Variants in IGF2BP3 observed in about 807,000 individuals in gnomAD.
IGF2BP3 encodes insulin like growth factor 2 mRNA binding protein 3, also known as insulin-like growth factor 2 mRNA-binding protein 3.
IGF2BP3 carries 9 observed loss-of-function variants against 73.8 expected under a neutral mutation model. That is an observed-to-expected ratio of 0.12 (90% confidence interval 0.07 to 0.21). The LOEUF (loss-of-function observed/expected upper bound fraction) is 0.21. IGF2BP3 is among the 10% of genes least tolerant of loss of function. The pLI, the probability that IGF2BP3 is intolerant of heterozygous loss-of-function variation, is 1.00. For synonymous variants in IGF2BP3, 258 were observed against 256.7 expected (o/e 1.01, Z -0.05); for missense variants, 542 against 714.0 (o/e 0.76, Z 2.75).
chr7:23,435,324 C>A (rs1787783471), intron 2 of IGF2BP3, among the ~76,000 whole-genome samples: 1 of 140,768 alleles, frequency 7.1e-6, no homozygotes, highest in Non-Finnish European at 1.5e-5. Flanking sequence ...AAAAAAAATC[C>A]TGAAAATGAT....
chr7:23,376,226 T>G (rs1033182864), intron 3 of IGF2BP3, among the ~76,000 whole-genome samples: 6 of 152,150 alleles, frequency 3.9e-5, no homozygotes, highest in African/African-American at 1.4e-4. Flanking sequence ...GGAGGAGTGT[T>G]ACTTGAGATA....
At chr7:23,359,849 C>G (rs1562698385) in intron 5 of IGF2BP3, among the ~76,000 whole-genome samples, 1 of 151,728 alleles carries the variant, frequency 6.6e-6, no homozygotes, top group Non-Finnish European at 1.5e-5. Flanking sequence ...CATGATACAA[C>G]TAAAGAACAA....
At chr7:23,363,106 G>A (rs997376993) in intron 3 of IGF2BP3, among the ~76,000 whole-genome samples, 8 of 152,166 alleles carry the variant, frequency 5.3e-5, no homozygotes, top group Admixed American at 2.6e-4. Context: ...TCAGGTGCCA[G>A]GAAATAGAAA....
At chr7:23,384,095 C>CAAAAAAAAAAA (rs35378177) in intron 3 of IGF2BP3, among the ~76,000 whole-genome samples, 1 of 62,526 alleles carries the variant, frequency 1.6e-5, no homozygotes, top group African/African-American at 4.8e-5. Context: ...GACTCCATCT[C>CAAAAAAAAAAA]AAAAAAAAAA....
At chr7:23,384,947 A>G (rs1340602094) in intron 3 of IGF2BP3, among the ~76,000 whole-genome samples, 1 of 152,124 alleles carries the variant, frequency 6.6e-6, no homozygotes, top group African/African-American at 2.4e-5. Context: ...TATTAAATGA[A>G]TTTTCAACTT....
intron 9 of IGF2BP3, among the ~76,000 whole-genome samples, chr7:23,343,339 A>T (rs1784756409): frequency 6.6e-6 from 1 of 152,234 alleles, no homozygotes; most frequent in African/African-American, 2.4e-5. Context: ...CATATAAGAG[A>T]AGAGAGCTGC....
chr7:23,413,692 T>C (rs528925772), intron 3 of IGF2BP3: 179 of 152,348 alleles, frequency 1.2e-3, no homozygotes, highest in African/African-American at 4.1e-3. Context: ...CATCTGAACA[T>C]CCACATCGTT....
intron 3 of IGF2BP3, among the ~76,000 whole-genome samples, chr7:23,366,751 T>G (rs1329299532): frequency 2.0e-5 from 3 of 152,028 alleles, no homozygotes; most frequent in African/African-American, 7.2e-5. Flanking sequence ...TTGGAAGTAA[T>G]GACAACAGAA....
intron 7 of IGF2BP3, 29 bp downstream of exon 7, chr7:23,347,569 CCT>C (rs1491290125): frequency 3.1e-6 from 5 of 1,599,880 alleles, no homozygotes; most frequent in Middle Eastern, 2.0e-4. Context: ...CAAATATCAA[CCT>C]CTTTCACAGG....
At chr7:23,436,701 A>G (rs1402520977) in intron 2 of IGF2BP3, among the ~76,000 whole-genome samples, 3 of 152,242 alleles carry the variant, frequency 2.0e-5, no homozygotes, top group East Asian at 1.9e-4. Flanking sequence ...AGTATTTCCT[A>G]TACCACAAAA....
At chr7:23,467,495 G>C (rs547175958) in intron 2 of IGF2BP3, among the ~76,000 whole-genome samples, 1 of 152,192 alleles carries the variant, frequency 6.6e-6, no homozygotes, top group Non-Finnish European at 1.5e-5. Flanking sequence ...AATCCAGAAA[G>C]GCTTAGAGGC....
intron 5 of IGF2BP3, among the ~76,000 whole-genome samples, chr7:23,359,434 T>A (rs1007330299): frequency 6.6e-6 from 1 of 152,232 alleles, no homozygotes; most frequent in Non-Finnish European, 1.5e-5. Flanking sequence ...ATTTAAGTTT[T>A]CAAATAAGGC....
chr7:23,399,392 TAATAAA>T (rs1786587900), intron 3 of IGF2BP3, among the ~76,000 whole-genome samples: 1 of 141,566 alleles, frequency 7.1e-6, no homozygotes, highest in African/African-American at 2.6e-5. Flanking sequence ...AGTATAATAA[TAATAAA>T]ATTAAATTAA....
At chr7:23,442,408 GT>G (rs56817921) in intron 2 of IGF2BP3, among the ~76,000 whole-genome samples, 10 of 151,498 alleles carry the variant, frequency 6.6e-5, no homozygotes, top group African/African-American at 1.5e-4. Context: ...TTTTTGTTTT[GT>G]TTTTTTTAGA....
At chr7:23,330,418 G>A (rs1784415368) in intron 10 of IGF2BP3, among the ~76,000 whole-genome samples, 2 of 151,680 alleles carry the variant, frequency 1.3e-5, no homozygotes, top group South Asian at 4.2e-4. Flanking sequence ...CACTAGAACT[G>A]TCACTCGAGG....
At chr7:23,404,168 A>AT (rs1786756408) in intron 3 of IGF2BP3, among the ~76,000 whole-genome samples, 2 of 151,940 alleles carry the variant, frequency 1.3e-5, no homozygotes, top group East Asian at 3.9e-4. Flanking sequence ...AGAGGTTCGC[A>AT]TATTGCTCTG....
intron 10 of IGF2BP3, among the ~76,000 whole-genome samples, chr7:23,330,644 A>G (rs1784421087): frequency 1.3e-5 from 2 of 152,288 alleles, no homozygotes; most frequent in South Asian, 2.1e-4. Flanking sequence ...AAAGCAAGCA[A>G]TGTTGGCCGG....
At chr7:23,318,521 G>A (rs922824672) in intron 11 of IGF2BP3, among the ~76,000 whole-genome samples, 2 of 152,014 alleles carry the variant, frequency 1.3e-5, no homozygotes, top group African/African-American at 4.8e-5. Flanking sequence ...CACCGCACCT[G>A]GCCAACCTTT....
chr7:23,455,407 G>C (rs1032221417), intron 2 of IGF2BP3, among the ~76,000 whole-genome samples: 12 of 152,122 alleles, frequency 7.9e-5, no homozygotes, highest in African/African-American at 2.9e-4. Flanking sequence ...ACGGTTATTA[G>C]CCTCTGCCTA....
Sources: allele counts gnomAD v4.1 joint callset (sites outside exome capture counted in the v4.1 genomes callset), GRCh38; gene constraint gnomAD v4.1.1; transcripts MANE v1.5; gene names NCBI Gene and HGNC (gene_info 2026-07-23, HGNC 2026-07-21).